NEK11: variants seen among roughly 807,000 people sequenced by gnomAD.
NEK11 encodes the protein NIMA related kinase 11.
A neutral mutation model predicts 80.7 loss-of-function variants in NEK11; 72 were observed. The ratio of observed to expected loss-of-function variants is 0.89; its 90% CI spans 0.74 to 1.08. The LOEUF (loss-of-function observed/expected upper bound fraction) is 1.08. NEK11 is among the 50% of genes least tolerant of loss of function. NEK11 has a pLI of 0.00. For synonymous variants in NEK11, 251 were observed against 260.7 expected, an observed-to-expected ratio of 0.96 and a Z score of 0.36; for missense variants, 764 against 763.6, an observed-to-expected ratio of 1.00 and a Z score of -0.01.
intron 15 of NEK11, among the ~76,000 whole-genome samples, chr3:131,237,049 A>G (rs377623940): frequency 2.0e-5 from 3 of 152,252 alleles, no homozygotes; most frequent in African/African-American, 7.2e-5. Context: ...TGGAGAAAAA[A>G]GTAGGTGGGG....
At position 131,263,529 on chromosome 3, in the gene NEK11, A is replaced by C. The variant is rs149649091; in HGVS notation, c.1622-9949A>C. Among the ~76,000 whole-genome samples the C allele has an allele frequency of 2.0e-3, 300 of 152,248 alleles. 2 individuals are homozygous for C. The highest frequency in any genetic ancestry group is 2.4e-3 in the Non-Finnish European group (165 of 68,008). On this transcript the variant is annotated intron_variant, in intron 16 of 17. Transcript: ENST00000383366. ...GCCTCCAGCTTTGTTCTTTTGGCTT[A>C]GGATTGTCTTGGCAATGTGGGCTCT...
chr3:131,224,138 CCTA>C (rs1347144030), intron 14 of NEK11, among the ~76,000 whole-genome samples: 3 of 152,142 alleles, frequency 2.0e-5, no homozygotes, highest in African/African-American at 7.2e-5. Context: ...GGTAAATAAA[CCTA>C]CTACACTGCC....
intron 10 of NEK11, among the ~76,000 whole-genome samples, chr3:131,156,345 C>T (rs1452925548): frequency 2.6e-5 from 4 of 152,164 alleles, no homozygotes; most frequent in Non-Finnish European, 5.9e-5. Context: ...ACAATTTTCT[C>T]ATAGTGTTTG....
At chr3:131,224,040 A>C (rs2095113619) in intron 14 of NEK11, among the ~76,000 whole-genome samples, 1 of 152,194 alleles carries the variant, frequency 6.6e-6, no homozygotes, top group African/African-American at 2.4e-5. Flanking sequence ...CAGTTAATGA[A>C]GCTGAAAAAT....
At chr3:131,057,218 C>T (rs2069715431) in intron 3 of NEK11, among the ~76,000 whole-genome samples, 1 of 151,740 alleles carries the variant, frequency 6.6e-6, no homozygotes, top group South Asian at 2.1e-4. Context: ...GACATGAACT[C>T]ATCATTTTTT....
In NEK11 at chr3:131,346,937, G is replaced by A. The variant is rs555182466; in HGVS notation, c.1719-2620G>A. On this transcript the variant is annotated intron_variant, in intron 17 of 17. Coordinates refer to ENST00000383366, the MANE Select transcript of NEK11 (RefSeq NM_024800.5). ...GCGAGGCAGTTCAAAACCAGAGACA[G>A]CAAGAATACAGAAGTTAAGAATGAT... is the stretch of plus-strand genomic sequence containing the variant. Among the ~76,000 whole-genome samples, 3 of 152,308 alleles carry A rather than the reference G, an allele frequency of 2.0e-5. No homozygotes were observed. In the East Asian group the frequency reaches 5.8e-4, roughly 29 times the overall value.
intron 3 of NEK11, among the ~76,000 whole-genome samples, chr3:131,070,239 T>C (rs1224961481): frequency 6.6e-6 from 1 of 152,250 alleles, no homozygotes; most frequent in Admixed American, 6.5e-5. Flanking sequence ...TAGAGTCTTA[T>C]GTTATCAATA....
At chr3:131,217,483 C>T (rs1192513218) in intron 14 of NEK11, among the ~76,000 whole-genome samples, 1 of 152,114 alleles carries the variant, frequency 6.6e-6, no homozygotes, top group Non-Finnish European at 1.5e-5. Flanking sequence ...TTTATGTGTA[C>T]AGTTACACAT....
chr3:131,309,987 TAAAA>T (rs558210123), intron 17 of NEK11, among the ~76,000 whole-genome samples: 209 of 23,272 alleles, frequency 9.0e-3, no homozygotes, highest in African/African-American at 0.027. Flanking sequence ...AGACCATGTT[TAAAA>T]AAAAAAAAAA....
chr3:131,280,395 CTCTG>C (rs760196188), intron 17 of NEK11, among the ~76,000 whole-genome samples: 4 of 151,888 alleles, frequency 2.6e-5, no homozygotes, highest in African/African-American at 9.7e-5. Flanking sequence ...TTTTTTCCCT[CTCTG>C]TCTGTCATTT....
intron 14 of NEK11, among the ~76,000 whole-genome samples, chr3:131,173,846 T>A (rs991867705): frequency 2.0e-5 from 3 of 152,186 alleles, no homozygotes; most frequent in Non-Finnish European, 4.4e-5. Flanking sequence ...GACAGTGTGT[T>A]GATTTACCAG....
At chr3:131,179,164 G>A (rs1446264597) in intron 14 of NEK11, among the ~76,000 whole-genome samples, 1 of 152,154 alleles carries the variant, frequency 6.6e-6, no homozygotes. Context: ...TCACTGCAGA[G>A]GATCAAGCAA....
chr3:131,105,240 A>T (rs1271138612), intron 4 of NEK11, among the ~76,000 whole-genome samples: 1 of 152,226 alleles, frequency 6.6e-6, no homozygotes, highest in Non-Finnish European at 1.5e-5. Flanking sequence ...ACAAACAAAA[A>T]ACCTTTTCAC....
intron 16 of NEK11, among the ~76,000 whole-genome samples, chr3:131,258,027 A>G (rs1329587685): frequency 6.6e-6 from 1 of 152,168 alleles, no homozygotes; most frequent in African/African-American, 2.4e-5. Flanking sequence ...CAACCTGGAT[A>G]GAGTTAGAGG....
chr3:131,193,530 G>A lies in NEK11; in HGVS notation c.1399+22643G>A, dbSNP rs79557782. ...AAACAATTTTAATAAACTGGAAAAGGAATAATGAAGCAATAGGAATCCATT... is the reference window on the plus strand; with the variant it reads ...AAACAATTTTAATAAACTGGAAAAGAAATAATGAAGCAATAGGAATCCATT... On this transcript the variant is annotated intron_variant, in intron 14 of 17. Transcript: ENST00000383366. Among the ~76,000 whole-genome samples, 948 of 152,214 alleles carry A rather than the reference G, an allele frequency of 6.2e-3. 8 individuals carry two copies. Among genetic ancestry groups the A allele is most frequent in the Non-Finnish European group, 0.01 (690 of 68,006 alleles).
intron 5 of NEK11, among the ~76,000 whole-genome samples, chr3:131,126,922 A>T (rs2083437868): frequency 7.2e-6 from 1 of 139,810 alleles, no homozygotes; most frequent in Non-Finnish European, 1.5e-5. Context: ...GATGTCTCTT[A>T]TACTCTTTTC....
At chr3:131,292,124 AATT>A (rs1348827682) in intron 17 of NEK11, among the ~76,000 whole-genome samples, 1 of 152,210 alleles carries the variant, frequency 6.6e-6, no homozygotes, top group Non-Finnish European at 1.5e-5. Flanking sequence ...GCCGAGATTC[AATT>A]ATTTGCATAT....
intron 10 of NEK11, among the ~76,000 whole-genome samples, chr3:131,156,705 C>T (rs546341622): frequency 1.3e-5 from 2 of 152,242 alleles, no homozygotes; most frequent in African/African-American, 4.8e-5. Context: ...GGACAAGTTA[C>T]TTAACCTCTC....
rs547522531 is a variant in NEK11, at chr3:131,034,485, C to T, written c.170+4607C>T. 5.9e-5 allele frequency among the ~76,000 whole-genome samples: 9 copies of T among 152,198 alleles called. No individual in the cohort carries two copies. In the South Asian group the frequency reaches 8.3e-4, roughly 14 times the overall value. On this transcript the variant is annotated intron_variant, in intron 3 of 17. Coordinates refer to ENST00000383366, the MANE Select transcript of NEK11 (RefSeq NM_024800.5). ...CGCGATCTTGGCTCACTGCAAGCTC[C>T]GCCTCCCGGCTTCACGCCATTCTCC...
Sources: allele counts gnomAD v4.1 joint callset (sites outside exome capture counted in the v4.1 genomes callset), GRCh38; gene constraint gnomAD v4.1.1; transcripts MANE v1.5; gene names NCBI Gene and HGNC (gene_info 2026-07-23, HGNC 2026-07-21).